Variants in SLC1A3 observed in about 807,000 individuals in gnomAD.
The protein encoded by SLC1A3 is solute carrier family 1 member 3.
Under a neutral mutation model 48.1 loss-of-function variants are expected in SLC1A3, and 21 were observed. The observed-to-expected ratio is 0.44, with a 90% CI of 0.31 to 0.63. SLC1A3 has a LOEUF of 0.63. Among genes scored for constraint, SLC1A3 ranks in the 20% least tolerant of loss-of-function variants. The probability of loss-of-function intolerance (pLI) is 0.08; values close to 1 mark genes in which losing one functional copy is unlikely to be tolerated. For missense variants in SLC1A3, 546 were observed against 689.0 expected, an observed-to-expected ratio of 0.79 and a Z score of 2.32; for synonymous variants, 239 against 251.4, an observed-to-expected ratio of 0.95 and a Z score of 0.47.
intron 3 of SLC1A3, among the ~76,000 whole-genome samples, chr5:36,631,489 A>G (rs1297731770): frequency 6.6e-6 from 1 of 152,240 alleles, no homozygotes; most frequent in Non-Finnish European, 1.5e-5. Context: ...CAAAACTTGG[A>G]AAAATTGTTA....
At chr5:36,623,236 A>C (rs1023933220) in intron 2 of SLC1A3, among the ~76,000 whole-genome samples, 1 of 152,184 alleles carries the variant, frequency 6.6e-6, no homozygotes, top group Non-Finnish European at 1.5e-5. Flanking sequence ...CTAACACTGG[A>C]GTAAAACAGA....
intron 3 of SLC1A3, among the ~76,000 whole-genome samples, chr5:36,670,270 A>G (rs1561278038): frequency 6.6e-6 from 1 of 152,190 alleles, no homozygotes. Flanking sequence ...TGAGGGAAAG[A>G]GGGATATTTA....
intron 3 of SLC1A3, among the ~76,000 whole-genome samples, chr5:36,647,277 C>T (rs1286446624): frequency 6.6e-6 from 1 of 152,128 alleles, no homozygotes; most frequent in East Asian, 1.9e-4. Context: ...CACTGTTGAC[C>T]AATTTCTATT....
intron 3 of SLC1A3, among the ~76,000 whole-genome samples, chr5:36,635,563 AC>A (rs111972522): frequency 0.019 from 2,938 of 152,306 alleles, 90 homozygotes; most frequent in African/African-American, 0.068. Context: ...CTACCTCATT[AC>A]TGGAAGGGAT....
In SLC1A3 at chr5:36,685,933, G is replaced by A. The variant is rs1466443194; in HGVS notation, c.1425-132G>A. ...ATTATGAATATTATGTGTCTATTAC[G>A]TAATCTTGCAGTTGGTAGATACGGC... On this transcript the variant is annotated intron_variant, in intron 9 of 9. Coordinates refer to ENST00000265113, the MANE Select transcript of SLC1A3 (RefSeq NM_004172.5). 5.2e-5 allele frequency: 38 copies of A among 735,354 alleles called. 1 individual carries two copies. The highest frequency in any genetic ancestry group is 3.7e-4 in the East Asian group (14 of 37,796). The allele number at this position is 735,354 out of a possible 1,614,324, so 45.6% of individuals were successfully genotyped here. A position where few individuals can be genotyped will look rare whatever the true frequency, so the allele number is the denominator to read the frequency against.
intron 3 of SLC1A3, among the ~76,000 whole-genome samples, chr5:36,659,344 G>A (rs930293940): frequency 6.6e-6 from 1 of 152,202 alleles, no homozygotes; most frequent in Non-Finnish European, 1.5e-5. Flanking sequence ...ACAGTGCCTG[G>A]CAGTAGGCTC....
intron 3 of SLC1A3, chr5:36,666,247 C>T (rs1216921189): frequency 6.6e-6 from 1 of 152,140 alleles, no homozygotes; most frequent in African/African-American, 2.4e-5. Flanking sequence ...ATTAAAAAAA[C>T]TTATATTCAC....
intron 3 of SLC1A3, among the ~76,000 whole-genome samples, chr5:36,631,022 CAA>C (rs1176336846): frequency 1.3e-5 from 2 of 152,170 alleles, no homozygotes; most frequent in Non-Finnish European, 2.9e-5. Flanking sequence ...TTCTGGGAAA[CAA>C]ATTATTCACA....
intron 2 of SLC1A3, among the ~76,000 whole-genome samples, chr5:36,613,709 A>AC: frequency 6.6e-6 from 1 of 152,262 alleles, no homozygotes; most frequent in East Asian, 1.9e-4. Context: ...AGCTGGGGGT[A>AC]GGGGGATCCT....
At chr5:36,609,314 C>T in intron 2 of SLC1A3, 3 of 894,214 alleles carry the variant, frequency 3.4e-6, no homozygotes, top group South Asian at 5.2e-5. Flanking sequence ...TAGTTTATTA[C>T]TTATGGGTGG....
chr5:36,652,864 C>T (rs1456643442), intron 3 of SLC1A3, among the ~76,000 whole-genome samples: 4 of 152,148 alleles, frequency 2.6e-5, no homozygotes, highest in South Asian at 4.1e-4. Context: ...CAGAAATTGG[C>T]GTGACTGCTG....
chr5:36,661,031 G>C (rs1317805076), intron 3 of SLC1A3, among the ~76,000 whole-genome samples: 1 of 151,894 alleles, frequency 6.6e-6, no homozygotes, highest in Non-Finnish European at 1.5e-5. Flanking sequence ...ATTTCATTTT[G>C]CACACTCTTT....
In SLC1A3 at chr5:36,629,661, A is replaced by G. The variant is rs1579969774; in HGVS notation, c.319+74A>G. 6 of 1,339,230 alleles carry G rather than the reference A, an allele frequency of 4.5e-6. No homozygotes were observed. The East Asian group carries it at 1.4e-4, about 31-fold the overall frequency. The allele number at this position is 1,339,230 out of a possible 1,614,324, so 83.0% of individuals were successfully genotyped here. ...TTGCAAAAGATTGCTTAGAAAAGCCAGTGCTTTAGGTTTCTGCTGGATGCA... is the reference window on the plus strand; with the variant it reads ...TTGCAAAAGATTGCTTAGAAAAGCCGGTGCTTTAGGTTTCTGCTGGATGCA... On this transcript the variant is annotated intron_variant, in intron 3 of 9. Coordinates refer to ENST00000265113, the MANE Select transcript of SLC1A3 (RefSeq NM_004172.5).
At chr5:36,651,580 G>T (rs1380919727) in intron 3 of SLC1A3, among the ~76,000 whole-genome samples, 1 of 118,174 alleles carries the variant, frequency 8.5e-6, no homozygotes, top group Non-Finnish European at 1.6e-5. Flanking sequence ...CCTAGTGTCT[G>T]CCTGGACTCT....
chr5:36,642,621 T>C (rs1458570647), intron 3 of SLC1A3, among the ~76,000 whole-genome samples: 1 of 152,206 alleles, frequency 6.6e-6, no homozygotes, highest in African/African-American at 2.4e-5. Flanking sequence ...GCTTCTAGTA[T>C]ATTTACAGAG....
At chr5:36,623,168 A>T (rs1279751860) in intron 2 of SLC1A3, among the ~76,000 whole-genome samples, 4 of 152,196 alleles carry the variant, frequency 2.6e-5, no homozygotes, top group Non-Finnish European at 5.9e-5. Flanking sequence ...AGTTATTTTG[A>T]TCACTTTAAA....
upstream of SLC1A3, among the ~76,000 whole-genome samples, chr5:36,601,600 A>G (rs939552094): frequency 6.6e-6 from 1 of 152,142 alleles, no homozygotes; most frequent in Non-Finnish European, 1.5e-5. Context: ...TGACTTCCTC[A>G]TTCATCCTCG....
intron 3 of SLC1A3, among the ~76,000 whole-genome samples, chr5:36,665,509 C>T (rs190599674): frequency 6.6e-5 from 10 of 152,338 alleles, no homozygotes; most frequent in Non-Finnish European, 5.9e-5. Context: ...GTATTTTCTA[C>T]ATCAGAAGTA....
At chr5:36,673,950 G>T in intron 4 of SLC1A3, 99 bp from the exon 5 acceptor site, 2 of 915,864 alleles carry the variant, frequency 2.2e-6, no homozygotes, top group South Asian at 1.3e-5. Context: ...TTTGTTGCTT[G>T]GTTCAATGCA....
Sources: gnomAD v4.1 joint callset for allele counts (sites outside exome capture counted in the v4.1 genomes callset) on GRCh38, gnomAD v4.1.1 for gene constraint, MANE v1.5 for transcripts, NCBI Gene and HGNC (gene_info 2026-07-23, HGNC 2026-07-21) for gene names.